The following NANOGNB variants were observed in gnomAD, a reference collection of about 807,000 sequenced individuals.
NANOGNB encodes NANOG neighbor homeobox.
In NANOGNB, 30 loss-of-function variants were observed where a neutral mutation model predicts 25.0. The observed-to-expected ratio is 1.20, with a 90% CI of 0.90 to 1.63. The LOEUF (loss-of-function observed/expected upper bound fraction) is 1.63, where lower values mean the gene tolerates loss of function less well. Ranked by LOEUF, NANOGNB falls within the 40% of genes most tolerant of loss-of-function variation. The pLI, the probability that NANOGNB is intolerant of heterozygous loss-of-function variation, is 0.00. For synonymous variants in NANOGNB, 84 were observed against 62.1 expected (o/e 1.35, Z -1.66); for missense variants, 200 against 188.1 (o/e 1.06, Z -0.37).
At chr12:7,767,177 T>C (rs1865253414) in intron 1 of NANOGNB, among the ~76,000 whole-genome samples, 1 of 152,070 alleles carries the variant, frequency 6.6e-6, no homozygotes, top group African/African-American at 2.4e-5. Flanking sequence ...GGGTCATTAA[T>C]GTCTGACTCT....
chr12:7,770,561 T>A, intron 3 of NANOGNB, 43 bp downstream of exon 3: 2 of 1,130,610 alleles, frequency 1.8e-6, no homozygotes, highest in Non-Finnish European at 2.5e-6. Context: ...GTAGAAGGAA[T>A]ATATTGACTT....
In NANOGNB at chr12:7,770,191, C is replaced by A; in HGVS notation, c.311C>A (p.Pro104His). 2 of 1,551,694 alleles carry A rather than the reference C, an allele frequency of 1.3e-6. No homozygotes were observed. Among genetic ancestry groups the A allele is most frequent in the Non-Finnish European group, 1.7e-6 (2 of 1,146,966 alleles). ...GAAAATGAGAAACAGAAACAGTATC[C>A]CGAGAAAAGATTAGTCAGCAAATCC... Reference protein sequence around the residue: ...KRENEKQKQYPEKRLVSKSLM... With the variant: ...KRENEKQKQYHEKRLVSKSLM... Residue 104 changes from proline to histidine, a missense_variant, in exon 2 of 4, where the codon CCC becomes CAC. Transcript: ENST00000382119.
intron 1 of NANOGNB, among the ~76,000 whole-genome samples, chr12:7,768,197 T>C (rs1017571773): frequency 6.6e-6 from 1 of 152,196 alleles, no homozygotes; most frequent in African/African-American, 2.4e-5. Context: ...TTGAGATGAT[T>C]GCATGTTTTT....
At chr12:7,772,088 A>C (rs1404745736) in intron 3 of NANOGNB, among the ~76,000 whole-genome samples, 1 of 152,188 alleles carries the variant, frequency 6.6e-6, no homozygotes, top group Non-Finnish European at 1.5e-5. Flanking sequence ...GTCTCCACTC[A>C]ATGCACCTCA....
At position 7,770,458 on chromosome 12, in the gene NANOGNB, A is replaced by T; in HGVS notation, c.455A>T (p.Lys152Ile). The change falls in exon 3 of 4, where the codon AAA becomes ATA. Residue 152 changes from lysine (K) to isoleucine (I), a missense_variant. By Grantham distance (102) the Lys-to-Ile change is moderately radical (BLOSUM62 -3). Coordinates refer to ENST00000382119, the MANE Select transcript of NANOGNB (RefSeq NM_001145465.1). ...TTGTAGATAAGTCAATGGTTTTGTAAAACGAGGAAGAAATATAATAAAGAA... is the reference window on the plus strand; with the variant it reads ...TTGTAGATAAGTCAATGGTTTTGTATAACGAGGAAGAAATATAATAAAGAA... ...THKQISQWFC[K>I]TRKKYNKEMS... is the part of the protein sequence containing the mutation. 1 of 1,536,806 alleles carries T rather than the reference A, an allele frequency of 6.5e-7. No homozygotes were observed. The highest frequency in any genetic ancestry group is 8.8e-7 in the Non-Finnish European group (1 of 1,135,096).
intron 3 of NANOGNB, among the ~76,000 whole-genome samples, chr12:7,771,308 C>T (rs1862562829): frequency 6.6e-6 from 1 of 152,038 alleles, no homozygotes; most frequent in Non-Finnish European, 1.5e-5. Flanking sequence ...GCAAGCTCCG[C>T]CTCCCGGGTT....
chr12:7,769,926 C>T lies in NANOGNB; in HGVS notation c.103-57C>T, dbSNP rs1184592951. ...CTCCCAGGGAAGATTGTTGACTATG[C>T]TCTGAAAGTCAAATTTAGCTGCAGC... is the stretch of plus-strand genomic sequence containing the variant. On this transcript the variant is annotated intron_variant, in intron 1 of 3. Transcript: ENST00000382119. 8 of 1,238,110 alleles carry T rather than the reference C, an allele frequency of 6.5e-6. No homozygotes were observed. The Admixed American group carries it at 8.7e-5, about 13-fold the overall frequency. The allele number at this position is 1,238,110 out of a possible 1,614,324, so 76.7% of individuals were successfully genotyped here.
chr12:7,769,619 C>T lies in NANOGNB; in HGVS notation c.103-364C>T, dbSNP rs758320528. On this transcript the variant is annotated intron_variant, in intron 1 of 3. Coordinates refer to ENST00000382119, the MANE Select transcript of NANOGNB (RefSeq NM_001145465.1). Reference sequence around the variant, plus strand: ...ATTACAGGCGTGAGCCACCACCTCCCGGGTTAAAGTGATCCTCCTGCCTCA... The same window carrying T: ...ATTACAGGCGTGAGCCACCACCTCCTGGGTTAAAGTGATCCTCCTGCCTCA... 2.6e-5 allele frequency among the ~76,000 whole-genome samples: 4 copies of T among 151,792 alleles called. No individual in the cohort carries two copies. The South Asian group carries it at 6.3e-4, about 24-fold the overall frequency.
At chr12:7,765,739 T>TAG (rs1461656500) in intron 1 of NANOGNB, among the ~76,000 whole-genome samples, 2 of 151,918 alleles carry the variant, frequency 1.3e-5, no homozygotes, top group African/African-American at 4.8e-5. Flanking sequence ...TTTACTAAGA[T>TAG]AGAGAGGCCT....
chr12:7,771,010 G>A (rs763964355), intron 3 of NANOGNB, among the ~76,000 whole-genome samples: 1 of 152,256 alleles, frequency 6.6e-6, no homozygotes, highest in Admixed American at 6.5e-5. Flanking sequence ...ACTCACATAT[G>A]CATGCCACCA....
At chr12:7,767,453 C>T (rs1014032356) in intron 1 of NANOGNB, among the ~76,000 whole-genome samples, 14 of 150,830 alleles carry the variant, frequency 9.3e-5, no homozygotes, top group Non-Finnish European at 2.1e-4. Context: ...AATCCCAGCA[C>T]TTTGGAATGC....
chr12:7,771,746 G>A (rs1297550977), intron 3 of NANOGNB, among the ~76,000 whole-genome samples: 4 of 151,918 alleles, frequency 2.6e-5, no homozygotes, highest in African/African-American at 9.7e-5. Flanking sequence ...TCAGCCTCCC[G>A]AGTAGCCGGG....
In NANOGNB at chr12:7,767,607, C is replaced by T. The variant is rs766718001; in HGVS notation, c.102+2220C>T. ...AATGTATACCAATTAGCAGACACTC[C>T]GAATTTTATCCCACCCTCATCTCTG... On this transcript the variant is annotated intron_variant, in intron 1 of 3. Coordinates refer to ENST00000382119, the MANE Select transcript of NANOGNB (RefSeq NM_001145465.1). Among the ~76,000 whole-genome samples the T allele has an allele frequency of 1.7e-4, 26 of 152,064 alleles. No individual in the cohort carries two copies. The South Asian group carries it at 4.6e-3, about 27-fold the overall frequency.
At position 7,774,019 on chromosome 12, in the gene NANOGNB, T is replaced by G. The variant is rs1356943760; in HGVS notation, c.*168T>G. ...GTGGAGTAGAACTAAATGAGGGGTA[T>G]GCAAAGGAGTTTTTATGTGTTTTAT... On this transcript the variant is annotated 3_prime_UTR_variant, in exon 4 of 4. Coordinates refer to ENST00000382119, the MANE Select transcript of NANOGNB (RefSeq NM_001145465.1). 2.4e-6 allele frequency: 1 copy of G among 414,392 alleles called. No homozygotes were observed. The highest frequency in any genetic ancestry group is 4.2e-6 in the Non-Finnish European group (1 of 235,884). 25.7% of individuals were successfully genotyped at this position (414,392 alleles called of 1,614,324 possible). A position where few individuals can be genotyped will look rare whatever the true frequency, so the allele number is the denominator to read the frequency against.
chr12:7,774,061 A>T lies in NANOGNB; in HGVS notation c.*210A>T, dbSNP rs756382011. 1.4e-4 allele frequency: 52 copies of T among 381,830 alleles called. No homozygotes were observed. Among genetic ancestry groups the T allele is most frequent in the African/African-American group, 1.0e-3 (49 of 48,058 alleles). 23.7% of individuals were successfully genotyped at this position (381,830 alleles called of 1,614,324 possible). A position where few individuals can be genotyped will look rare whatever the true frequency, so the allele number is the denominator to read the frequency against. On this transcript the variant is annotated 3_prime_UTR_variant, in exon 4 of 4. Transcript: ENST00000382119. ...GTGTTTTATTTTTACCCTACTGTAGATTTAAAGTTTTTATAATGGATGTTA... is the reference window on the plus strand; with the variant it reads ...GTGTTTTATTTTTACCCTACTGTAGTTTTAAAGTTTTTATAATGGATGTTA...
intron 2 of NANOGNB, 59 bp from the exon 3 acceptor site, chr12:7,770,380 A>G: frequency 1.3e-6 from 2 of 1,521,994 alleles, no homozygotes; most frequent in South Asian, 1.3e-5. Flanking sequence ...TACTATTGCT[A>G]TATAGACCAA....
chr12:7,772,554 G>A (rs1862589324), intron 3 of NANOGNB, among the ~76,000 whole-genome samples: 1 of 148,658 alleles, frequency 6.7e-6, no homozygotes, highest in Non-Finnish European at 1.5e-5. Flanking sequence ...TGAGATTACA[G>A]GCGTGAGCCA....
chr12:7,766,316 TACA>T (rs1865243863), intron 1 of NANOGNB: 2 of 389,662 alleles, frequency 5.1e-6, no homozygotes, highest in South Asian at 1.4e-4. Flanking sequence ...CCACCAAAAA[TACA>T]ACAATTAGCC....
chr12:7,773,544 T>TCCAAAAAAAAAAA (rs1565472370), intron 3 of NANOGNB, among the ~76,000 whole-genome samples: 1 of 6,262 alleles, frequency 1.6e-4, no homozygotes, highest in African/African-American at 4.9e-4. Flanking sequence ...CTACTAAAAA[T>TCCAAAAAAAAAAA]ACAAAAAAAA....
Sources: allele counts gnomAD v4.1 joint callset (sites outside exome capture counted in the v4.1 genomes callset), GRCh38; gene constraint gnomAD v4.1.1; transcripts MANE v1.5; gene names NCBI Gene and HGNC (gene_info 2026-07-23, HGNC 2026-07-21).